Variants in GLG1 observed in about 807,000 individuals in gnomAD.
GLG1 encodes the protein golgi glycoprotein 1, also known as Golgi apparatus protein 1.
A neutral mutation model predicts 160.5 loss-of-function variants in GLG1; 38 were observed. The ratio of observed to expected loss-of-function variants is 0.24; its 90% CI spans 0.18 to 0.31. The LOEUF (loss-of-function observed/expected upper bound fraction) is 0.31, where lower values mean the gene tolerates loss of function less well. Among genes scored for constraint, GLG1 ranks in the 10% least tolerant of loss-of-function variants. The pLI, the probability that GLG1 is intolerant of heterozygous loss-of-function variation, is 1.00. For missense variants in GLG1, 1,373 were observed against 1,505.2 expected, an observed-to-expected ratio of 0.91 and a Z score of 1.45; for synonymous variants, 644 against 543.4, an observed-to-expected ratio of 1.19 and a Z score of -2.57.
rs549993581 is a variant in GLG1, at chr16:74,507,027, T to A, written c.558+1812A>T. Among the ~76,000 whole-genome samples the A allele has an allele frequency of 1.2e-4, 18 of 152,276 alleles. No homozygotes were observed. The Middle Eastern group carries it at 0.01, about 86-fold the overall frequency. ...GATTAAGTTTGGTTTGTATTAATAG[T>A]TTACAGGTATTCTTGTGATGTTGTT... On this transcript the variant is annotated intron_variant, in intron 3 of 25. Transcript: ENST00000422840.
At chr16:74,506,321 G>T (rs1171910576) in intron 3 of GLG1, among the ~76,000 whole-genome samples, 1 of 151,732 alleles carries the variant, frequency 6.6e-6, no homozygotes, top group South Asian at 2.1e-4. Context: ...GCTCACACCT[G>T]TAATCCCGGC....
intron 1 of GLG1, among the ~76,000 whole-genome samples, chr16:74,590,119 T>A (rs889431042): frequency 3.3e-5 from 5 of 151,768 alleles, no homozygotes; most frequent in African/African-American, 1.2e-4. Flanking sequence ...TGCCTCAGCC[T>A]TCCAAGTAGT....
rs763542690 is a variant in GLG1, at chr16:74,463,373, T to C, written c.2774A>G (p.Gln925Arg). 1 of 1,614,056 alleles carries C rather than the reference T, an allele frequency of 6.2e-7. No homozygotes were observed. Among genetic ancestry groups the C allele is most frequent in the African/African-American group, 1.3e-5 (1 of 74,942 alleles). The change falls in exon 20 of 26, where the codon CAG (glutamine) becomes CGG (arginine). Residue 925 changes from glutamine (Q) to arginine (R), a missense_variant. Transcript: ENST00000422840. Reference sequence around the variant, plus strand: ...GATCTTACCTGTGTTCTGGGTGATCTGGCGCTTGGTTATCATCTGTTTGCA... The same window carrying C: ...GATCTTACCTGTGTTCTGGGTGATCCGGCGCTTGGTTATCATCTGTTTGCA... ...PKCKQMITKR[Q>R]ITQNTDYRLN... is the part of the protein sequence containing the mutation.
chr16:74,595,398 G>A (rs1260350726), intron 1 of GLG1, among the ~76,000 whole-genome samples: 4 of 151,610 alleles, frequency 2.6e-5, no homozygotes, highest in East Asian at 3.9e-4. Context: ...TTAGCCGGTC[G>A]TGGTGGCGGG....
rs986653844 is a variant in GLG1 at position 74,467,758 on chromosome 16, G to T, written c.2527C>A (p.Gln843Lys). ...FCSAVQYGNA[Q>K]IIECLKENKK... is the part of the protein sequence containing the mutation. Reference sequence around the variant, plus strand: ...ACAAAAGAAAAGCAAAAAGTTACCTGAGCGTTGCCATATTGCACAGCGGAA... The same window carrying T: ...ACAAAAGAAAAGCAAAAAGTTACCTTAGCGTTGCCATATTGCACAGCGGAA... Residue 843 changes from glutamine to lysine, a missense_variant and splice_region_variant, in exon 18 of 26, where the codon CAG becomes AAG. Physicochemically the swap from Gln to Lys is moderately conservative, Grantham distance 53. This residue lies in a region of GLG1 where 491 missense variants were observed against 632.1 expected (regional missense o/e 0.78). Transcript: ENST00000422840. 15 of 1,594,370 alleles carry T rather than the reference G, an allele frequency of 9.4e-6. No individual in the cohort carries two copies. The highest frequency in any genetic ancestry group is 8.6e-7 in the Non-Finnish European group (1 of 1,163,052).
rs765030675 is a variant in GLG1, at chr16:74,448,783, G to A, written c.*4384C>T. 1.2e-4 allele frequency: 18 copies of A among 149,080 alleles called. No individual in the cohort carries two copies. The highest frequency in any genetic ancestry group is 6.0e-4 in the East Asian group (3 of 4,968). The allele number at this position is 149,080 out of a possible 1,614,324, so 9.2% of individuals were successfully genotyped here. A position where few individuals can be genotyped will look rare whatever the true frequency, so the allele number is the denominator to read the frequency against. ...AAAAAAAAAAAAGGCCAGGCCGGGC[G>A]TGGTGGCTCACGCCTGTAATGCACT... is the stretch of plus-strand genomic sequence containing the variant. On this transcript the variant is annotated 3_prime_UTR_variant, in exon 26 of 26. Coordinates refer to ENST00000422840, the MANE Select transcript of GLG1 (RefSeq NM_001145667.2).
At chr16:74,551,119 A>C (rs951238801) in intron 1 of GLG1, among the ~76,000 whole-genome samples, 4 of 152,158 alleles carry the variant, frequency 2.6e-5, no homozygotes, top group African/African-American at 9.7e-5. Context: ...TGGTAATACT[A>C]ATCTCAGGAA....
chr16:74,575,048 A>G (rs1171636384), intron 1 of GLG1, among the ~76,000 whole-genome samples: 6 of 120,330 alleles, frequency 5.0e-5, no homozygotes, highest in Non-Finnish European at 1.6e-5. Context: ...AGAGTTCAAG[A>G]CCAGCCTGCT....
At chr16:74,527,406 C>T (rs1198915388) in intron 2 of GLG1, among the ~76,000 whole-genome samples, 1 of 151,866 alleles carries the variant, frequency 6.6e-6, no homozygotes, top group African/African-American at 2.4e-5. Flanking sequence ...TGCACCACCA[C>T]ACCCAACTAA....
At chr16:74,553,085 C>T (rs2018247257) in intron 1 of GLG1, among the ~76,000 whole-genome samples, 1 of 151,744 alleles carries the variant, frequency 6.6e-6, no homozygotes, top group African/African-American at 2.4e-5. Flanking sequence ...TCGGGTGTGG[C>T]GGCAGGCGCC....
At chr16:74,526,743 A>G (rs2017346871) in intron 2 of GLG1, among the ~76,000 whole-genome samples, 1 of 152,106 alleles carries the variant, frequency 6.6e-6, no homozygotes, top group Admixed American at 6.6e-5. Flanking sequence ...AACAAAACCA[A>G]CACCAAAAAC....
At chr16:74,496,135 G>T (rs950447457) in intron 5 of GLG1, among the ~76,000 whole-genome samples, 1 of 152,084 alleles carries the variant, frequency 6.6e-6, no homozygotes, top group Non-Finnish European at 1.5e-5. Flanking sequence ...AGGCAAGATG[G>T]TGCTTGCCTA....
chr16:74,571,642 A>G (rs1203518532), intron 1 of GLG1, among the ~76,000 whole-genome samples: 1 of 143,834 alleles, frequency 7.0e-6, no homozygotes, highest in Non-Finnish European at 1.5e-5. Context: ...CAACAGAGCA[A>G]GGCTCCATCT....
At chr16:74,596,932 CAG>C (rs1258640614) in intron 1 of GLG1, among the ~76,000 whole-genome samples, 2 of 152,192 alleles carry the variant, frequency 1.3e-5, no homozygotes, top group East Asian at 3.9e-4. Flanking sequence ...GCCTGGACAA[CAG>C]AGTGAGACCT....
At chr16:74,508,958 A>G in intron 2 of GLG1, 33 bp from the exon 3 acceptor site, 3 of 890,940 alleles carry the variant, frequency 3.4e-6, no homozygotes, top group Non-Finnish European at 5.6e-6. Context: ...AAACAAAGAA[A>G]AACTCCAGTT....
intron 1 of GLG1, among the ~76,000 whole-genome samples, chr16:74,548,362 A>G (rs1172489448): frequency 6.6e-6 from 1 of 152,236 alleles, no homozygotes; most frequent in Non-Finnish European, 1.5e-5. Flanking sequence ...TCAAATGAAA[A>G]ATCCTTGGTT....
In GLG1 at chr16:74,501,313, A is replaced by C. The variant is rs563810756; in HGVS notation, c.774+2218T>G. ...TATCTCACCGTCCCCAAAATACAAG[A>C]AAGCCTTTGATGCTGGTGTAGTGAC... On this transcript the variant is annotated intron_variant, in intron 4 of 25. Coordinates refer to ENST00000422840, the MANE Select transcript of GLG1 (RefSeq NM_001145667.2). Among the ~76,000 whole-genome samples the C allele has an allele frequency of 7.2e-5, 11 of 152,352 alleles. No homozygotes were observed. The South Asian group carries it at 2.3e-3, about 32-fold the overall frequency.
intron 1 of GLG1, among the ~76,000 whole-genome samples, chr16:74,542,103 A>T (rs1878524279): frequency 6.7e-6 from 1 of 149,234 alleles, no homozygotes; most frequent in East Asian, 2.0e-4. Flanking sequence ...CTGCCCTCTT[A>T]GAGTCCTAGA....
chr16:74,571,474 A>G (rs1436872843), intron 1 of GLG1, among the ~76,000 whole-genome samples: 1 of 152,078 alleles, frequency 6.6e-6, no homozygotes, highest in Non-Finnish European at 1.5e-5. Context: ...GAAGCTAGAG[A>G]CCAGACTGGG....
Sources: gnomAD v4.1 joint callset for allele counts (sites outside exome capture counted in the v4.1 genomes callset) on GRCh38, gnomAD v4.1.1 for gene constraint, gnomAD v4.1.1 regional missense constraint, MANE v1.5 for transcripts, NCBI Gene and HGNC (gene_info 2026-07-23, HGNC 2026-07-21) for gene names.